Variants in CD8A observed in about 807,000 individuals in gnomAD.
The protein encoded by CD8A is CD8 subunit alpha.
CD8A carries 25 observed loss-of-function variants against 24.2 expected under a neutral mutation model. That is an observed-to-expected ratio of 1.03 (90% CI 0.75 to 1.44). The LOEUF is 1.44. Ranked by LOEUF, CD8A falls within the 40% of genes most tolerant of loss-of-function variation. The pLI, the probability that CD8A is intolerant of heterozygous loss-of-function variation, is 0.00. For synonymous variants in CD8A, 165 were observed against 149.9 expected (o/e 1.10, Z -0.74); for missense variants, 360 against 319.7 (o/e 1.13, Z -0.96).
chr2:86,786,508 T>A (rs944360646), intron 5 of CD8A, among the ~76,000 whole-genome samples: 3 of 152,220 alleles, frequency 2.0e-5, no homozygotes, highest in Non-Finnish European at 2.9e-5. Context: ...CTCTCAGCCC[T>A]CTAAAACCTC....
At chr2:86,806,218 T>C (rs1673851350) in intron 2 of CD8A, among the ~76,000 whole-genome samples, 1 of 152,076 alleles carries the variant, frequency 6.6e-6, no homozygotes, top group African/African-American at 2.4e-5. Flanking sequence ...ATCTGAGTGG[T>C]GCAAGGTGGA....
chr2:86,787,884 G>GGAGAGAGA (rs142344123), intron 5 of CD8A, among the ~76,000 whole-genome samples: 6 of 144,578 alleles, frequency 4.2e-5, no homozygotes, highest in East Asian at 4.0e-4. Context: ...TAACAGAGAG[G>GGAGAGAGA]GAGAGAGAGA....
At chr2:86,799,577 A>G (rs1673593527) in intron 3 of CD8A, among the ~76,000 whole-genome samples, 1 of 151,682 alleles carries the variant, frequency 6.6e-6, no homozygotes, top group African/African-American at 2.4e-5. Flanking sequence ...TAACACGGTG[A>G]AACCCCATCT....
In CD8A at chr2:86,790,446, C is replaced by T. The variant is rs1182078537; in HGVS notation, c.285G>A (p.Gly95=). The part of the protein sequence containing the change: ...DTQRFSGKRL[G]DTFVLTLSDF... ...CGCTCAGGGTGAGGACGAAGGTGTC[C>T]CCCAACCTCTTGCCCGAGAACCGCT... The change falls in exon 2 of 6, where the codon GGG becomes GGA. Residue 95 remains glycine, a synonymous_variant. Coordinates refer to ENST00000283635, the MANE Select transcript of CD8A (RefSeq NM_001768.7). 9 of 1,614,094 alleles carry T rather than the reference C, an allele frequency of 5.6e-6. No homozygotes were observed. In the Admixed American group the frequency reaches 1.0e-4, roughly 18 times the overall value.
chr2:86,789,789 G>T (rs927801614), intron 2 of CD8A, 39 bp from the exon 3 acceptor site: 7 of 1,226,050 alleles, frequency 5.7e-6, no homozygotes, highest in Non-Finnish European at 6.3e-6. Flanking sequence ...GCCAGGCTGG[G>T]GTTATGGAGG....
Position 86,788,808 on chromosome 2 carries a change from A to G in CD8A, c.626-248T>C, listed in dbSNP as rs1369226130. Among the ~76,000 whole-genome samples, 3 of 152,114 alleles carry G rather than the reference A, an allele frequency of 2.0e-5. No homozygotes were observed. The East Asian group carries it at 5.8e-4, about 29-fold the overall frequency. On this transcript the variant is annotated intron_variant, in intron 4 of 5. Coordinates refer to ENST00000283635, the MANE Select transcript of CD8A (RefSeq NM_001768.7). ...AGAGCCGGGTAAGGGCTTCTTATCC[A>G]TCCTTCGTCTCAAGCATCAATTAAA...
At position 86,785,841 on chromosome 2, in the gene CD8A, G is replaced by A. The variant is rs567720748; in HGVS notation, c.*79C>T. 1 of 1,049,092 alleles carries A rather than the reference G, an allele frequency of 9.5e-7. No homozygotes were observed. The highest frequency in any genetic ancestry group is 1.6e-5 in the African/African-American group (1 of 64,192). The allele number at this position is 1,049,092 out of a possible 1,614,324, so 65.0% of individuals were successfully genotyped here. ...AATGAATACACAGGGAGGAAGACTG[G>A]AAAAAATGAAAGGGAAGGACTTGCT... On this transcript the variant is annotated 3_prime_UTR_variant, in exon 6 of 6. Coordinates refer to ENST00000283635, the MANE Select transcript of CD8A (RefSeq NM_001768.7).
intron 3 of CD8A, among the ~76,000 whole-genome samples, chr2:86,796,818 G>A (rs1473960024): frequency 6.6e-6 from 1 of 152,194 alleles, no homozygotes; most frequent in Non-Finnish European, 1.5e-5. Flanking sequence ...TAAGACGTCA[G>A]ACTCTTCACC....
upstream of CD8A, among the ~76,000 whole-genome samples, chr2:86,792,257 C>T (rs1673334600): frequency 6.6e-6 from 1 of 152,008 alleles, no homozygotes; most frequent in Non-Finnish European, 1.5e-5. Context: ...CTTTGAATCC[C>T]ATAGTGGCTG....
At chr2:86,803,154 A>G (rs527904892) in intron 2 of CD8A, among the ~76,000 whole-genome samples, 32 of 152,340 alleles carry the variant, frequency 2.1e-4, no homozygotes, top group African/African-American at 7.7e-4. Flanking sequence ...AAAGAAGTAC[A>G]TTCATTTTAT....
chr2:86,799,700 G>A (rs1432196228), intron 3 of CD8A, among the ~76,000 whole-genome samples: 2 of 152,120 alleles, frequency 1.3e-5, no homozygotes, highest in Admixed American at 6.5e-5. Flanking sequence ...AGCTTCCAGT[G>A]AGCCAAGATC....
chr2:86,797,431 A>C (rs891168554), intron 3 of CD8A, among the ~76,000 whole-genome samples: 1 of 152,134 alleles, frequency 6.6e-6, no homozygotes, highest in Non-Finnish European at 1.5e-5. Context: ...TTTGGGCTAT[A>C]AGAGAAGCAC....
At chr2:86,793,958 C>A (rs1673397351), upstream of CD8A, among the ~76,000 whole-genome samples, 1 of 152,112 alleles carries the variant, frequency 6.6e-6, no homozygotes, top group Non-Finnish European at 1.5e-5. Flanking sequence ...GGCTTTGTGA[C>A]CCCAGTGATA....
At chr2:86,806,161 G>A (rs961075179) in intron 2 of CD8A, among the ~76,000 whole-genome samples, 1 of 152,158 alleles carries the variant, frequency 6.6e-6, no homozygotes, top group African/African-American at 2.4e-5. Flanking sequence ...TATGCAAACG[G>A]TGATGACCTT....
chr2:86,788,246 T>TG (rs1191982187), intron 5 of CD8A, among the ~76,000 whole-genome samples: 2 of 4,808 alleles, frequency 4.2e-4, no homozygotes, highest in South Asian at 3.6e-3. Flanking sequence ...ATCCCTCAGG[T>TG]TTTTTTTTTT....
At chr2:86,808,003 T>C (rs985139624) in intron 1 of CD8A, 2 of 152,302 alleles carry the variant, frequency 1.3e-5, no homozygotes, top group African/African-American at 4.8e-5. Flanking sequence ...CGGTGGATCT[T>C]GCAGCCCTTC....
At chr2:86,800,375 T>C (rs985703226) in intron 3 of CD8A, among the ~76,000 whole-genome samples, 1 of 150,474 alleles carries the variant, frequency 6.6e-6, no homozygotes, top group African/African-American at 2.5e-5. Flanking sequence ...GGCAGGAGAA[T>C]TGCTTGAACC....
At chr2:86,795,119 T>C (rs142376502), upstream of CD8A, among the ~76,000 whole-genome samples, 1 of 152,148 alleles carries the variant, frequency 6.6e-6, no homozygotes, top group Admixed American at 6.5e-5. Flanking sequence ...CCTGTCCAGC[T>C]TGACAACCAA....
At chr2:86,789,137 G>T (rs184861818) in intron 4 of CD8A, among the ~76,000 whole-genome samples, 186 bp downstream of exon 4, 1 of 152,304 alleles carries the variant, frequency 6.6e-6, no homozygotes, top group Admixed American at 6.5e-5. Flanking sequence ...CTCCGAGAGC[G>T]CAAGGAGCGG....
Sources: gnomAD v4.1 joint callset for allele counts (sites outside exome capture counted in the v4.1 genomes callset) on GRCh38, gnomAD v4.1.1 for gene constraint, MANE v1.5 for transcripts, NCBI Gene and HGNC (gene_info 2026-07-23, HGNC 2026-07-21) for gene names.